The following CCDC62 variants were observed in gnomAD, a reference collection of about 807,000 sequenced individuals.
CCDC62 encodes the protein coiled-coil domain containing 62.
CCDC62 carries 72 observed loss-of-function variants against 80.8 expected under a neutral mutation model. That is an observed-to-expected ratio of 0.89 (90% CI 0.74 to 1.08). CCDC62 has a LOEUF of 1.08. Among genes scored for constraint, CCDC62 ranks in the 50% least tolerant of loss-of-function variants. The probability of loss-of-function intolerance (pLI) is 0.00; values close to 1 mark genes in which losing one functional copy is unlikely to be tolerated. For synonymous variants in CCDC62, 286 were observed against 296.5 expected (o/e 0.96, Z 0.36); for missense variants, 704 against 809.4 (o/e 0.87, Z 1.58).
rs368813243 is a variant in CCDC62, at chr12:122,826,377, T to C, written c.*41-45T>C. Reference sequence around the variant, plus strand: ...CTTATAGCATGCTCTCCAATATTAATTGATTGTATTTTATTAATGTTGTGT... The same window carrying C: ...CTTATAGCATGCTCTCCAATATTAACTGATTGTATTTTATTAATGTTGTGT... On this transcript the variant is annotated intron_variant, in intron 12 of 12. Coordinates refer to ENST00000253079, the MANE Select transcript of CCDC62 (RefSeq NM_201435.5). 5.4e-5 allele frequency: 42 copies of C among 774,516 alleles called. No homozygotes were observed. The Middle Eastern group carries it at 1.6e-3, about 29-fold the overall frequency. 48.0% of individuals were successfully genotyped at this position (774,516 alleles called of 1,614,324 possible). A position where few individuals can be genotyped will look rare whatever the true frequency, so the allele number is the denominator to read the frequency against.
At chr12:122,810,249 A>T (rs895975962) in intron 10 of CCDC62, among the ~76,000 whole-genome samples, 5 of 152,194 alleles carry the variant, frequency 3.3e-5, no homozygotes, top group Non-Finnish European at 5.9e-5. Context: ...AGAATGGGAG[A>T]AAATTTTTGC....
chr12:122,823,497 T>A, intron 12 of CCDC62, 38 bp downstream of exon 12: 1 of 945,166 alleles, frequency 1.1e-6, no homozygotes. Flanking sequence ...ATATCTCAAT[T>A]AATATTTAAT....
At chr12:122,798,488 A>T (rs755597682) in intron 8 of CCDC62, among the ~76,000 whole-genome samples, 1 of 152,184 alleles carries the variant, frequency 6.6e-6, no homozygotes, top group African/African-American at 2.4e-5. Context: ...CTGTAGTCCC[A>T]GCTACTTGCA....
At position 122,777,602 on chromosome 12, in the gene CCDC62, G is replaced by T; in HGVS notation, c.148G>T (p.Val50Leu). 6.2e-7 allele frequency: 1 copy of T among 1,614,170 alleles called. No homozygotes were observed. The highest frequency in any genetic ancestry group is 2.2e-5 in the East Asian group (1 of 44,878). The change falls in exon 2 of 13, where the codon GTG becomes TTG. Residue 50 changes from valine (V) to leucine (L), a missense_variant. Coordinates refer to ENST00000253079, the MANE Select transcript of CCDC62 (RefSeq NM_201435.5). The part of the protein sequence containing the change: ...RDKELNDMVA[V>L]HQQQLLSWEE... ...TAAAGAGCTCAATGACATGGTTGCA[G>T]TGCACCAGCAACAGCTTCTTTCATG...
In CCDC62 at chr12:122,813,286, C is replaced by T; in HGVS notation, c.1868C>T (p.Pro623Leu). ...AFNEKASIVL[P>L]SQDDFSPTSK... ...TTCCTGTAGGCTTCAATTGTGTTAC[C>T]CTCCCAGGATGATTTCTCGCCCACG... is the stretch of plus-strand genomic sequence containing the variant. Residue 623 changes from proline to leucine, a missense_variant, in exon 11 of 13, where the codon CCC (proline) becomes CTC (leucine). By Grantham distance (98) the Pro-to-Leu change is moderately conservative (BLOSUM62 -3). Coordinates refer to ENST00000253079, the MANE Select transcript of CCDC62 (RefSeq NM_201435.5). The T allele has an allele frequency of 6.2e-7, 1 of 1,610,840 alleles. No homozygotes were observed. Among genetic ancestry groups the T allele is most frequent in the Non-Finnish European group, 8.5e-7 (1 of 1,178,540 alleles).
chr12:122,780,893 A>G (rs993235411), intron 2 of CCDC62, among the ~76,000 whole-genome samples: 48 of 152,290 alleles, frequency 3.2e-4, no homozygotes, highest in African/African-American at 1.1e-3. Context: ...ATGGAAAGCA[A>G]GGAAGTGATT....
chr12:122,783,951 A>G (rs908890797), intron 3 of CCDC62, among the ~76,000 whole-genome samples: 6 of 152,172 alleles, frequency 3.9e-5, no homozygotes, highest in Admixed American at 2.6e-4. Context: ...TTTACATTCT[A>G]TGGGGTTTTG....
chr12:122,801,354 T>C lies in CCDC62; in HGVS notation c.1208T>C (p.Leu403Ser), dbSNP rs2031294944. Residue 403 changes from leucine (L) to serine (S), a missense_variant, in exon 9 of 13, where the codon TTA becomes TCA. By Grantham distance (145) the Leu-to-Ser change is moderately radical (BLOSUM62 -2). Transcript: ENST00000253079. Reference protein sequence around the residue: ...ITLSSIFTKDLVEKHNLPWSL... With the variant: ...ITLSSIFTKDSVEKHNLPWSL... The stretch of plus-strand genomic sequence containing the variant: ...CTGTCATCCATATTCACCAAAGACT[T>C]AGTAGAGAAACACAACCTCCCTTGG... The C allele has an allele frequency of 6.2e-7, 1 of 1,613,988 alleles. No individual in the cohort carries two copies. The highest frequency in any genetic ancestry group is 1.1e-5 in the South Asian group (1 of 91,080).
At position 122,826,462 on chromosome 12, in the gene CCDC62, C is replaced by T. The variant is rs1349237675; in HGVS notation, c.*81C>T. Reference sequence around the variant, plus strand: ...GGAAGGCAGAAAGCAGACACCAATACTGAATGAATACTTAACCGTAAAACT... The same window carrying T: ...GGAAGGCAGAAAGCAGACACCAATATTGAATGAATACTTAACCGTAAAACT... On this transcript the variant is annotated 3_prime_UTR_variant, in exon 13 of 13. Transcript: ENST00000253079. 3 of 779,254 alleles carry T rather than the reference C, an allele frequency of 3.8e-6. No individual in the cohort carries two copies. The highest frequency in any genetic ancestry group is 4.9e-5 in the East Asian group (2 of 41,158). The allele number at this position is 779,254 out of a possible 1,614,324, so 48.3% of individuals were successfully genotyped here. A position where few individuals can be genotyped will look rare whatever the true frequency, so the allele number is the denominator to read the frequency against.
At chr12:122,790,300 C>T (rs2030522625) in intron 5 of CCDC62, among the ~76,000 whole-genome samples, 1 of 152,110 alleles carries the variant, frequency 6.6e-6, no homozygotes, top group Non-Finnish European at 1.5e-5. Flanking sequence ...CCACCTGCCT[C>T]AGCCTCCCAA....
chr12:122,784,514 C>T (rs1365523871), intron 3 of CCDC62, among the ~76,000 whole-genome samples: 2 of 151,836 alleles, frequency 1.3e-5, no homozygotes, highest in Admixed American at 6.6e-5. Flanking sequence ...AGCGAGACTC[C>T]GTCTCAAAAA....
At chr12:122,811,027 G>C (rs11503063) in intron 10 of CCDC62, among the ~76,000 whole-genome samples, 95,294 of 113,480 alleles carry the variant, frequency 0.84, 40,573 homozygotes, top group East Asian at 0.98. Context: ...TTGTGGGGTG[G>C]GGGGAGGGGG....
chr12:122,783,521 T>C (rs1020177379), intron 3 of CCDC62, among the ~76,000 whole-genome samples: 33 of 152,114 alleles, frequency 2.2e-4, no homozygotes, highest in Admixed American at 1.3e-4. Flanking sequence ...CCACCGCGCC[T>C]GGCCCCATTC....
intron 1 of CCDC62, among the ~76,000 whole-genome samples, chr12:122,775,093 C>A (rs78453374): frequency 4.5e-3 from 269 of 60,430 alleles, no homozygotes; most frequent in South Asian, 0.021. Flanking sequence ...GACTCCGTCT[C>A]AAAAAAAAAA....
Position 122,795,611 on chromosome 12 carries a change from A to T in CCDC62, c.773-1696A>T, listed in dbSNP as rs561256257. 3.6e-4 allele frequency among the ~76,000 whole-genome samples: 54 copies of T among 152,032 alleles called. 3 individuals are homozygous for T. The East Asian group carries it at 0.01, about 29-fold the overall frequency. On this transcript the variant is annotated intron_variant, in intron 6 of 12. Transcript: ENST00000253079. ...GCTAATTTTTTGTATTTTTTAGTAG[A>T]GATGGGGTTTCACCGTGTTAGCCAG... is the stretch of plus-strand genomic sequence containing the variant.
intron 6 of CCDC62, among the ~76,000 whole-genome samples, chr12:122,793,552 C>T (rs1282634184): frequency 6.6e-6 from 1 of 151,784 alleles, no homozygotes; most frequent in African/African-American, 2.4e-5. Context: ...AAAATTGAGG[C>T]TCATCACAGC....
At chr12:122,806,663 A>T (rs977246076) in intron 10 of CCDC62, among the ~76,000 whole-genome samples, 1 of 151,688 alleles carries the variant, frequency 6.6e-6, no homozygotes, top group Non-Finnish European at 1.5e-5. Flanking sequence ...ATTTTTTTGT[A>T]GAGACAGGGT....
intron 8 of CCDC62, among the ~76,000 whole-genome samples, chr12:122,800,577 G>A (rs12321131): frequency 0.044 from 6,604 of 151,756 alleles, 275 homozygotes; most frequent in East Asian, 0.24. Context: ...ACAGGCCTGC[G>A]CCACCACGCC....
At chr12:122,824,405 G>A (rs1185813616) in intron 12 of CCDC62, among the ~76,000 whole-genome samples, 1 of 142,850 alleles carries the variant, frequency 7.0e-6, no homozygotes, top group Non-Finnish European at 1.5e-5. Context: ...ACAATAATGA[G>A]ACTCTGTCTC....
Sources: allele counts gnomAD v4.1 joint callset (sites outside exome capture counted in the v4.1 genomes callset), GRCh38; gene constraint gnomAD v4.1.1; transcripts MANE v1.5; gene names NCBI Gene and HGNC (gene_info 2026-07-23, HGNC 2026-07-21).